Variants in FGF13 observed in about 807,000 individuals in gnomAD.
FGF13 encodes fibroblast growth factor homologous factor 2.
In FGF13, 2 loss-of-function variants were observed where a neutral mutation model predicts 19.5. That is an observed-to-expected ratio of 0.10 (90% CI 0.04 to 0.32). The LOEUF is 0.32. Among genes scored for constraint, FGF13 ranks in the 10% least tolerant of loss-of-function variants. FGF13 has a pLI of 1.00. For synonymous variants in FGF13, 72 were observed against 76.9 expected, an observed-to-expected ratio of 0.94 and a Z score of 0.33; for missense variants, 113 against 192.7, an observed-to-expected ratio of 0.59 and a Z score of 2.45.
chrX:139,173,992 G>T (rs966109405), intron 1 of FGF13, among the ~76,000 whole-genome samples: 13 of 112,125 alleles, frequency 1.2e-4, no homozygotes, highest in East Asian at 1.1e-3. Context: ...CTTCCACAAT[G>T]GTTGAACTAG....
rs936639675 is a variant in FGF13, at chrX:138,617,851, G to C, written c.*14999C>G. ...CCAGCTACTTGGGAGGCTGAAGTGG[G>C]AGGATCACTTGACCCAAGAAATTCG... On this transcript the variant is annotated 3_prime_UTR_variant, in exon 5 of 5. Coordinates refer to ENST00000315930, the MANE Select transcript of FGF13 (RefSeq NM_004114.5). 9.0e-6 allele frequency: 1 copy of C among 110,674 alleles called. No individual in the cohort carries two copies. The highest frequency in any genetic ancestry group is 3.3e-5 in the African/African-American group (1 of 30,323). 9.1% of individuals were successfully genotyped at this position (110,674 alleles called of 1,213,427 possible). A position where few individuals can be genotyped will look rare whatever the true frequency, so the allele number is the denominator to read the frequency against.
intron 1 of FGF13, among the ~76,000 whole-genome samples, chrX:139,184,817 T>C (rs2084269896): frequency 8.9e-6 from 1 of 112,496 alleles, no homozygotes; most frequent in Non-Finnish European, 1.9e-5. Context: ...TGAAATAAAA[T>C]TTTCCCATAC....
chrX:138,681,035 G>T (rs778925963), intron 3 of FGF13, among the ~76,000 whole-genome samples: 1 of 109,126 alleles, frequency 9.2e-6, no homozygotes, highest in Non-Finnish European at 1.9e-5. Context: ...TTAGCCTGGC[G>T]TGGTGGCAGG....
At chrX:139,196,773 T>C (rs1167989690) in intron 1 of FGF13, among the ~76,000 whole-genome samples, 1 of 112,235 alleles carries the variant, frequency 8.9e-6, no homozygotes, top group African/African-American at 3.2e-5. Flanking sequence ...TTTCTTCATC[T>C]GTCACATTGA....
In FGF13 at chrX:138,693,659, T is replaced by C. The variant is rs190795729; in HGVS notation, c.402+9325A>G. ...AAATTAGGAACCTAAGTTTTGATAG[T>C]AAACACTTTTCCAATTTTAAATAAA... is the stretch of plus-strand genomic sequence containing the variant. On this transcript the variant is annotated intron_variant, in intron 3 of 4. Transcript: ENST00000315930. Among the ~76,000 whole-genome samples the C allele has an allele frequency of 1.5e-4, 17 of 112,103 alleles. No individual in the cohort carries two copies. In the East Asian group the frequency reaches 4.8e-3, roughly 31 times the overall value.
At chrX:138,722,427 T>C (rs1375351662) in intron 1 of FGF13, among the ~76,000 whole-genome samples, 4 of 111,222 alleles carry the variant, frequency 3.6e-5, no homozygotes, top group African/African-American at 1.3e-4. Context: ...CAGACACAAG[T>C]AAGGTGAAAT....
intron 1 of FGF13, among the ~76,000 whole-genome samples, chrX:139,132,910 T>C (rs1569456382): frequency 8.9e-6 from 1 of 111,827 alleles, no homozygotes; most frequent in Non-Finnish European, 1.9e-5. Context: ...ACCTCTTCTA[T>C]GGCCATAGGT....
At chrX:138,967,032 G>A (rs753743221) in intron 1 of FGF13, among the ~76,000 whole-genome samples, 6 of 110,931 alleles carry the variant, frequency 5.4e-5, no homozygotes, top group East Asian at 5.7e-4. Context: ...CCCCAGGCAC[G>A]TGGAACTGTG....
chrX:138,932,863 C>T (rs1223202932), intron 1 of FGF13, among the ~76,000 whole-genome samples: 1 of 110,519 alleles, frequency 9.0e-6, no homozygotes, highest in African/African-American at 3.3e-5. Context: ...CCCTGCTCTA[C>T]AGGCCCTGGC....
At chrX:138,789,261 C>T (rs761194836) in intron 3 of FGF13, among the ~76,000 whole-genome samples, 3 of 110,337 alleles carry the variant, frequency 2.7e-5, no homozygotes, top group South Asian at 3.9e-4. Flanking sequence ...CTCCGCCTCC[C>T]GGGTTCAAGC....
intron 1 of FGF13, among the ~76,000 whole-genome samples, chrX:139,150,206 C>G (rs2083923120): frequency 9.0e-6 from 1 of 111,234 alleles, no homozygotes; most frequent in African/African-American, 3.3e-5. Context: ...GAAACTCCAG[C>G]CCAAGAACTC....
At chrX:138,812,357 A>G (rs1236020230) in intron 3 of FGF13, among the ~76,000 whole-genome samples, 1 of 112,040 alleles carries the variant, frequency 8.9e-6, no homozygotes, top group African/African-American at 3.2e-5. Context: ...TGGTGCTATG[A>G]ACATTCATGT....
At chrX:138,854,598 A>G (rs926235853), downstream of FGF13, among the ~76,000 whole-genome samples, 2 of 112,306 alleles carry the variant, frequency 1.8e-5, no homozygotes, top group Non-Finnish European at 3.8e-5. Flanking sequence ...GAGTTGGGTA[A>G]TTTTTATCAA....
chrX:139,056,846 G>C (rs1444926956), intron 1 of FGF13, among the ~76,000 whole-genome samples: 4 of 112,314 alleles, frequency 3.6e-5, no homozygotes, highest in Non-Finnish European at 7.5e-5. Flanking sequence ...GAGGAGAGCT[G>C]CTTCTTTGAT....
chrX:138,807,993 G>A (rs1222949126), intron 3 of FGF13, among the ~76,000 whole-genome samples: 1 of 111,246 alleles, frequency 9.0e-6, no homozygotes, highest in Non-Finnish European at 1.9e-5. Context: ...ATGACAAAGG[G>A]AGACTTTAAC....
intron 1 of FGF13, among the ~76,000 whole-genome samples, chrX:139,057,330 A>C (rs747787575): frequency 9.0e-6 from 1 of 111,603 alleles, no homozygotes; most frequent in South Asian, 3.7e-4. Flanking sequence ...AAAAAAAAAA[A>C]CAAACTTTTC....
intron 3 of FGF13, among the ~76,000 whole-genome samples, chrX:138,799,126 T>C (rs889263673): frequency 3.6e-5 from 4 of 111,616 alleles, no homozygotes; most frequent in Non-Finnish European, 7.5e-5. Context: ...TGCTCTTGCT[T>C]CTCTAGTTCT....
chrX:138,845,164 A>G (rs947707817), intron 3 of FGF13, among the ~76,000 whole-genome samples: 7 of 111,277 alleles, frequency 6.3e-5, no homozygotes, highest in African/African-American at 2.3e-4. Context: ...TTAAGCCACT[A>G]TGTATTAGAG....
At chrX:138,803,787 C>G (rs2090846688) in intron 3 of FGF13, among the ~76,000 whole-genome samples, 1 of 112,025 alleles carries the variant, frequency 8.9e-6, no homozygotes, top group Non-Finnish European at 1.9e-5. Flanking sequence ...AATGTTTTGG[C>G]CCAGAGTTCT....
Sources: gnomAD v4.1 joint callset for allele counts (sites outside exome capture counted in the v4.1 genomes callset) on GRCh38, gnomAD v4.1.1 for gene constraint, MANE v1.5 for transcripts, NCBI Gene and HGNC (gene_info 2026-07-23, HGNC 2026-07-21) for gene names.